Variants in KLHDC4 observed in about 807,000 individuals in gnomAD.
The protein encoded by KLHDC4 is kelch domain containing 4, also known as kelch domain-containing protein 4.
KLHDC4 carries 90 observed loss-of-function variants against 62.4 expected under a neutral mutation model. That is an observed-to-expected ratio of 1.44 (90% CI 1.22 to 1.72). The LOEUF (loss-of-function observed/expected upper bound fraction) is 1.72, where lower values mean the gene tolerates loss of function less well. KLHDC4 is among the 40% of genes most tolerant of loss of function. The pLI is 0.00. For synonymous variants in KLHDC4, 386 were observed against 284.4 expected (o/e 1.36, Z -3.59); for missense variants, 1,025 against 699.7 (o/e 1.47, Z -5.25).
chr16:87,744,448 T>C (rs2042723287), intron 5 of KLHDC4, among the ~76,000 whole-genome samples: 1 of 149,650 alleles, frequency 6.7e-6, no homozygotes, highest in Admixed American at 6.7e-5. Context: ...CCAGGCATGA[T>C]GGCAGACACC....
At chr16:87,711,082 C>T in intron 9 of KLHDC4, 153 bp downstream of exon 9, 1 of 682,636 alleles carries the variant, frequency 1.5e-6, no homozygotes, top group Non-Finnish European at 2.5e-6. Flanking sequence ...CCTAGTCACC[C>T]AGGACAGTCA....
chr16:87,712,267 CAATG>C (rs2036040404), intron 8 of KLHDC4, among the ~76,000 whole-genome samples: 3 of 151,708 alleles, frequency 2.0e-5, no homozygotes, highest in Non-Finnish European at 4.4e-5. Flanking sequence ...TTTTTTCCTC[CAATG>C]AACATTTAAA....
At chr16:87,735,115 T>C (rs1305278188) in intron 5 of KLHDC4, among the ~76,000 whole-genome samples, 1 of 150,378 alleles carries the variant, frequency 6.6e-6, no homozygotes, top group Admixed American at 6.6e-5. Flanking sequence ...ACTAAACCAG[T>C]GCTGAAACCC....
chr16:87,746,939 C>T (rs1038470607), intron 5 of KLHDC4, among the ~76,000 whole-genome samples: 5 of 152,196 alleles, frequency 3.3e-5, no homozygotes, highest in Non-Finnish European at 5.9e-5. Flanking sequence ...CACGGATGTC[C>T]CGCGTACGAC....
rs552989966 is a variant in KLHDC4, at chr16:87,726,681, C to G, written c.759+84G>C. 1.5e-3 allele frequency: 863 copies of G among 587,684 alleles called. 13 individuals carry two copies. The African/African-American group carries it at 0.027, about 18-fold the overall frequency. The allele number at this position is 587,684 out of a possible 1,614,324, so 36.4% of individuals were successfully genotyped here. On this transcript the variant is annotated intron_variant, in intron 7 of 11. Coordinates refer to ENST00000270583, the MANE Select transcript of KLHDC4 (RefSeq NM_017566.4). ...CGCCGCGCCTCGCCCGTCTCCCCAC[C>G]CCGCGCCTCGCCCGTCTCCCCACCC... is the stretch of plus-strand genomic sequence containing the variant.
chr16:87,733,147 T>C (rs1000660195), intron 5 of KLHDC4, among the ~76,000 whole-genome samples: 2 of 151,884 alleles, frequency 1.3e-5, no homozygotes, highest in African/African-American at 2.4e-5. Flanking sequence ...GCAAAGCAAA[T>C]CCTATCCCAG....
chr16:87,701,500 G>A (rs981559177), exon 1 of KLHDC4: 3 of 359,234 alleles, frequency 8.4e-6, no homozygotes, highest in African/African-American at 6.4e-5. Context: ...CCAAGCCTAG[G>A]AGAAGCAAGC....
chr16:87,715,339 C>G (rs2036733445), intron 7 of KLHDC4, among the ~76,000 whole-genome samples: 1 of 152,198 alleles, frequency 6.6e-6, no homozygotes, highest in African/African-American at 2.4e-5. Context: ...CTCACACGCC[C>G]ACACCAATGT....
intron 5 of KLHDC4, among the ~76,000 whole-genome samples, chr16:87,745,660 G>A (rs866850506): frequency 6.6e-6 from 1 of 152,168 alleles, no homozygotes; most frequent in African/African-American, 2.4e-5. Flanking sequence ...GCGTTCACTC[G>A]CACTGAAGGT....
In KLHDC4 at chr16:87,721,414, T is replaced by TAAAAA. The variant is rs1176744434; in HGVS notation, c.759+5346_759+5350dup. On this transcript the variant is annotated intron_variant, in intron 7 of 11. Transcript: ENST00000270583. ...GGGGGATAGAGCGAGACTCTGTCTC[T>TAAAAA]AAAAAAAAAAAAAAAAAAAAAAAAA... Among the ~76,000 whole-genome samples the TAAAAA allele has an allele frequency of 2.4e-4, 19 of 78,908 alleles. No individual in the cohort carries two copies. In the East Asian group the frequency reaches 4.7e-3, roughly 20 times the overall value. The allele number at this position is 78,908 out of a possible 152,430, so 51.8% of individuals were successfully genotyped here.
intron 7 of KLHDC4, among the ~76,000 whole-genome samples, chr16:87,723,703 TA>T: frequency 6.6e-6 from 1 of 152,374 alleles, no homozygotes; most frequent in African/African-American, 2.4e-5. Context: ...CAACTGCCAT[TA>T]AAAGGCTGAA....
At chr16:87,735,268 C>G (rs2041112240) in intron 5 of KLHDC4, among the ~76,000 whole-genome samples, 1 of 150,946 alleles carries the variant, frequency 6.6e-6, no homozygotes, top group East Asian at 1.9e-4. Context: ...CCACTGCACT[C>G]CAGCCTGGGC....
intron 6 of KLHDC4, among the ~76,000 whole-genome samples, chr16:87,727,597 A>G (rs2039597954): frequency 6.6e-6 from 1 of 152,320 alleles, no homozygotes; most frequent in Middle Eastern, 3.4e-3. Flanking sequence ...CCCAGCACGC[A>G]GACTGGGCTG....
chr16:87,748,984 C>A (rs1389856806), intron 4 of KLHDC4, among the ~76,000 whole-genome samples, 175 bp from the exon 5 acceptor site: 2 of 148,612 alleles, frequency 1.3e-5, no homozygotes, highest in Non-Finnish European at 3.0e-5. Flanking sequence ...CAGACAAACA[C>A]CCTCGTAGGA....
At chr16:87,719,773 G>A (rs904431295) in intron 7 of KLHDC4, among the ~76,000 whole-genome samples, 1 of 152,184 alleles carries the variant, frequency 6.6e-6, no homozygotes, top group Non-Finnish European at 1.5e-5. Context: ...ATTATTGCTG[G>A]AATGCAAAGA....
At chr16:87,762,068 G>C (rs374997511) in intron 1 of KLHDC4, 28 bp from the exon 2 acceptor site, 7 of 1,608,914 alleles carry the variant, frequency 4.4e-6, no homozygotes, top group Non-Finnish European at 5.9e-6. Flanking sequence ...GCACACGTGA[G>C]ACTTATTCCC....
rs1227072445 is a variant in KLHDC4 at position 87,752,363 on chromosome 16, G to GTCTC, written c.369+2827_369+2830dup. On this transcript the variant is annotated intron_variant, in intron 4 of 11. Coordinates refer to ENST00000270583, the MANE Select transcript of KLHDC4 (RefSeq NM_017566.4). Reference sequence around the variant, plus strand: ...CTTTTTTTTTTTTTTTGGAGACAGAGTCTCGCTCTGTCACCAGGCTGGAGT... The same window carrying GTCTC: ...CTTTTTTTTTTTTTTTGGAGACAGAGTCTCTCTCGCTCTGTCACCAGGCTGGAGT... 4.3e-5 allele frequency among the ~76,000 whole-genome samples: 6 copies of GTCTC among 141,074 alleles called. No homozygotes were observed. In the East Asian group the frequency reaches 1.3e-3, roughly 30 times the overall value. 92.6% of individuals were successfully genotyped at this position (141,074 alleles called of 152,430 possible).
chr16:87,737,970 G>T (rs555128144), intron 5 of KLHDC4, among the ~76,000 whole-genome samples: 1 of 152,112 alleles, frequency 6.6e-6, no homozygotes, highest in Non-Finnish European at 1.5e-5. Flanking sequence ...ACAGCACAAC[G>T]GGGAATCCAT....
At chr16:87,701,057 G>A (rs955579184) in exon 1 of KLHDC4, 1 of 195,868 alleles carries the variant, frequency 5.1e-6, no homozygotes, top group Non-Finnish European at 1.1e-5. Flanking sequence ...AAGGAAGAGT[G>A]CAGCTGCATT....
Sources: allele counts gnomAD v4.1 joint callset (sites outside exome capture counted in the v4.1 genomes callset), GRCh38; gene constraint gnomAD v4.1.1; transcripts MANE v1.5; gene names NCBI Gene and HGNC (gene_info 2026-07-23, HGNC 2026-07-21).